SPEF2: variants seen among roughly 807,000 people sequenced by gnomAD.
SPEF2 encodes sperm flagella and cilia-associated protein 2.
In SPEF2, 187 loss-of-function variants were observed where a neutral mutation model predicts 224.6. The observed-to-expected ratio is 0.83, with a 90% CI of 0.74 to 0.94. The LOEUF (loss-of-function observed/expected upper bound fraction) is 0.94, where lower values mean the gene tolerates loss of function less well. SPEF2 is among the 40% of genes least tolerant of loss of function. The pLI is 0.00. For synonymous variants in SPEF2, 715 were observed against 707.3 expected (o/e 1.01, Z -0.17); for missense variants, 2,170 against 2,135.6 (o/e 1.02, Z -0.32).
intron 30 of SPEF2, chr5:35,788,353 A>T (rs1307609257): frequency 5.7e-6 from 4 of 703,018 alleles, no homozygotes; most frequent in Non-Finnish European, 1.0e-5. Flanking sequence ...TTGGCCCAGT[A>T]TTCAGAACTA....
chr5:35,748,958 A>G (rs557507567), intron 23 of SPEF2, among the ~76,000 whole-genome samples: 2 of 152,324 alleles, frequency 1.3e-5, no homozygotes, highest in South Asian at 4.2e-4. Flanking sequence ...AACCAAATCC[A>G]ACAACATATC....
chr5:35,627,511 G>T (rs1744435670), intron 1 of SPEF2, among the ~76,000 whole-genome samples: 1 of 152,074 alleles, frequency 6.6e-6, no homozygotes, highest in Non-Finnish European at 1.5e-5. Flanking sequence ...TGAGGCAGGA[G>T]AATCGCTTGA....
rs142841595 is a variant in SPEF2, at chr5:35,720,458, T to A, written c.2915-7217T>A. Reference sequence around the variant, plus strand: ...TCCAGTGTCACAATCTCCAAAGTTATCAGAAACCTGTGTTTGAGAGCATCT... The same window carrying A: ...TCCAGTGTCACAATCTCCAAAGTTAACAGAAACCTGTGTTTGAGAGCATCT... On this transcript the variant is annotated intron_variant, in intron 20 of 36. Coordinates refer to ENST00000356031, the MANE Select transcript of SPEF2 (RefSeq NM_024867.4). Among the ~76,000 whole-genome samples, 17 of 152,328 alleles carry A rather than the reference T, an allele frequency of 1.1e-4. No individual in the cohort carries two copies. In the East Asian group the frequency reaches 2.7e-3, roughly 24 times the overall value.
At chr5:35,749,484 T>C (rs1456073601) in intron 23 of SPEF2, among the ~76,000 whole-genome samples, 1 of 152,088 alleles carries the variant, frequency 6.6e-6, no homozygotes, top group Non-Finnish European at 1.5e-5. Flanking sequence ...CTCCTAGAAC[T>C]GATTAAAAAA....
chr5:35,692,798 C>T, intron 12 of SPEF2, 74 bp downstream of exon 12: 1 of 1,437,080 alleles, frequency 7.0e-7, no homozygotes, highest in Non-Finnish European at 9.5e-7. Context: ...TTTAAAAGGT[C>T]TTCTCTAGAC....
chr5:35,715,223 A>C (rs1338021772), intron 20 of SPEF2, among the ~76,000 whole-genome samples: 2 of 151,832 alleles, frequency 1.3e-5, no homozygotes, highest in African/African-American at 4.8e-5. Flanking sequence ...GGCCAATTTT[A>C]AGTTTTTTAT....
chr5:35,709,390 A>G, intron 19 of SPEF2: 1 of 1,209,188 alleles, frequency 8.3e-7, no homozygotes, highest in Non-Finnish European at 1.0e-6. Context: ...GAGAAGAGGA[A>G]AAGGCACAGA....
At chr5:35,755,641 A>G (rs1257236834) in intron 24 of SPEF2, among the ~76,000 whole-genome samples, 4 of 152,128 alleles carry the variant, frequency 2.6e-5, no homozygotes, top group African/African-American at 9.7e-5. Context: ...ACAAGTTTTC[A>G]CTCTTGCACC....
chr5:35,715,826 T>TTTTG (rs1742464126), intron 20 of SPEF2, among the ~76,000 whole-genome samples: 1 of 146,188 alleles, frequency 6.8e-6, no homozygotes, highest in African/African-American at 2.5e-5. Flanking sequence ...CTTTTTTTTT[T>TTTTG]TTTTTTTGAG....
chr5:35,758,748 G>A (rs1750794990), intron 24 of SPEF2, among the ~76,000 whole-genome samples: 1 of 152,154 alleles, frequency 6.6e-6, no homozygotes, highest in Non-Finnish European at 1.5e-5. Context: ...GCTCATGCCT[G>A]TAATCCCAGC....
intron 10 of SPEF2, chr5:35,670,580 T>A (rs1432363475): frequency 4.0e-6 from 4 of 991,146 alleles, no homozygotes; most frequent in Non-Finnish European, 4.8e-6. Context: ...TAAAAAGTAT[T>A]TCTTTTGTAA....
chr5:35,690,114 T>G (rs1162449576), intron 10 of SPEF2, among the ~76,000 whole-genome samples: 1 of 152,156 alleles, frequency 6.6e-6, no homozygotes, highest in East Asian at 1.9e-4. Flanking sequence ...TATTGATACA[T>G]AATAAACACA....
intron 6 of SPEF2, among the ~76,000 whole-genome samples, chr5:35,653,774 TG>T (rs1748535269): frequency 6.6e-6 from 1 of 150,504 alleles, no homozygotes; most frequent in African/African-American, 2.4e-5. Context: ...GTGAAACCCC[TG>T]TCTCTACTAA....
At chr5:35,792,248 A>G in intron 30 of SPEF2, 92 bp from the exon 31 acceptor site, 1 of 819,916 alleles carries the variant, frequency 1.2e-6, no homozygotes, top group Non-Finnish European at 1.9e-6. Context: ...GAATAAAGAG[A>G]GTTTTAAAAT....
rs1354736864 is a variant in SPEF2 at position 35,617,968 on chromosome 5, C to T, written c.-30C>T. ...TGGTTCCTGGCGAGTTTCTAAGCCCCCGCCTGCGGTCTGAGGCACCGGCTG... is the reference window on the plus strand; with the variant it reads ...TGGTTCCTGGCGAGTTTCTAAGCCCTCGCCTGCGGTCTGAGGCACCGGCTG... On this transcript the variant is annotated 5_prime_UTR_variant, in exon 1 of 37. Coordinates refer to ENST00000356031, the MANE Select transcript of SPEF2 (RefSeq NM_024867.4). 1.3e-6 allele frequency: 2 copies of T among 1,561,974 alleles called. No homozygotes were observed. The highest frequency in any genetic ancestry group is 1.7e-6 in the Non-Finnish European group (2 of 1,151,178).
At chr5:35,807,603 A>G in intron 36 of SPEF2, 2 of 1,515,308 alleles carry the variant, frequency 1.3e-6, no homozygotes, top group Non-Finnish European at 1.8e-6. Flanking sequence ...TCTCCAGCCA[A>G]GTGCTGACAT....
chr5:35,701,249 C>A lies in SPEF2; in HGVS notation c.2398+497C>A, dbSNP rs148085443. Among the ~76,000 whole-genome samples, 107 of 152,252 alleles carry A rather than the reference C, an allele frequency of 7.0e-4. 1 individual carries two copies. Among genetic ancestry groups the A allele is most frequent in the East Asian group, 5.6e-3 (29 of 5,184 alleles). Reference sequence around the variant, plus strand: ...AATTCATAGTTTAACTGTTTTTCAACCTTGAAAAATATCCTTTATTCCACA... The same window carrying A: ...AATTCATAGTTTAACTGTTTTTCAAACTTGAAAAATATCCTTTATTCCACA... On this transcript the variant is annotated intron_variant, in intron 16 of 36. Coordinates refer to ENST00000356031, the MANE Select transcript of SPEF2 (RefSeq NM_024867.4).
At chr5:35,814,318 G>A (rs1417834558) in intron 36 of SPEF2, 146 bp from the exon 37 acceptor site, 1 of 421,344 alleles carries the variant, frequency 2.4e-6, no homozygotes, top group East Asian at 3.8e-5. Context: ...AAAACTAAAT[G>A]GAGAAATTTG....
At chr5:35,727,572 A>T in intron 20 of SPEF2, 103 bp from the exon 21 acceptor site, 1 of 951,966 alleles carries the variant, frequency 1.1e-6, no homozygotes, top group Middle Eastern at 2.6e-4. Context: ...AAAAGTAGTT[A>T]ATGAATCACC....
Sources: allele counts gnomAD v4.1 joint callset (sites outside exome capture counted in the v4.1 genomes callset), GRCh38; gene constraint gnomAD v4.1.1; transcripts MANE v1.5; gene names NCBI Gene and HGNC (gene_info 2026-07-23, HGNC 2026-07-21).